The following AKAP13 variants were observed in gnomAD, a reference collection of about 807,000 sequenced individuals.
AKAP13 encodes the protein A-kinase anchoring protein 13.
AKAP13 carries 80 observed loss-of-function variants against 264.5 expected under a neutral mutation model. The ratio of observed to expected loss-of-function variants is 0.30; its 90% CI spans 0.25 to 0.36. AKAP13 has a LOEUF of 0.36. Ranked by LOEUF, AKAP13 falls within the 10% of genes least tolerant of loss-of-function variation. The probability of loss-of-function intolerance (pLI) is 1.00; values close to 1 mark genes in which losing one functional copy is unlikely to be tolerated. For missense variants in AKAP13, 3,712 were observed against 3,435.2 expected (o/e 1.08, Z -2.01); for synonymous variants, 1,380 against 1,250.2 (o/e 1.10, Z -2.19).
intron 2 of AKAP13, among the ~76,000 whole-genome samples, chr15:85,512,312 T>C (rs902965011): frequency 3.6e-4 from 55 of 152,282 alleles, no homozygotes; most frequent in African/African-American, 1.3e-3. Context: ...AGCAACACGT[T>C]TGGGTTTGGG....
chr15:85,469,460 A>G (rs1049334418), intron 1 of AKAP13, among the ~76,000 whole-genome samples: 1 of 152,194 alleles, frequency 6.6e-6, no homozygotes, highest in Non-Finnish European at 1.5e-5. Flanking sequence ...TGGTAAAGAC[A>G]GGTGCTGTTT....
At chr15:85,570,538 C>T (rs2078781478) in intron 5 of AKAP13, among the ~76,000 whole-genome samples, 1 of 152,154 alleles carries the variant, frequency 6.6e-6, no homozygotes, top group South Asian at 2.1e-4. Context: ...GATGGTGAGA[C>T]TCCCTGAAGG....
chr15:85,588,162 C>T (rs756512206), intron 8 of AKAP13, among the ~76,000 whole-genome samples: 59 of 152,058 alleles, frequency 3.9e-4, no homozygotes, highest in Admixed American at 3.7e-3. Context: ...TGAAATTTCA[C>T]GGTAGGTAAA....
intron 1 of AKAP13, among the ~76,000 whole-genome samples, chr15:85,426,972 T>TTG (rs1555428103): frequency 1.0e-4 from 15 of 149,234 alleles, no homozygotes; most frequent in East Asian, 9.7e-4. Context: ...TTTTTTTTTT[T>TTG]GGGGACGGAG....
intron 18 of AKAP13, among the ~76,000 whole-genome samples, chr15:85,709,836 C>T (rs761601044): frequency 3.7e-4 from 56 of 152,024 alleles, no homozygotes; most frequent in Middle Eastern, 3.4e-3. Context: ...TACAGGTGCC[C>T]GTCACCATGC....
chr15:85,657,624 T>C (rs1025568191), intron 11 of AKAP13, among the ~76,000 whole-genome samples: 1 of 152,126 alleles, frequency 6.6e-6, no homozygotes, highest in African/African-American at 2.4e-5. Flanking sequence ...ATAAGCAGCA[T>C]GCTTTTTCTG....
intron 12 of AKAP13, among the ~76,000 whole-genome samples, chr15:85,659,800 G>A (rs2083257614): frequency 6.6e-6 from 1 of 152,098 alleles, no homozygotes; most frequent in African/African-American, 2.4e-5. Flanking sequence ...AGAACGTAAT[G>A]TATAATTTAA....
At chr15:85,436,975 A>T (rs867941859) in intron 1 of AKAP13, among the ~76,000 whole-genome samples, 127 of 151,140 alleles carry the variant, frequency 8.4e-4, no homozygotes, top group African/African-American at 3.0e-3. Flanking sequence ...AAATCAGAGC[A>T]GAACTGAAGG....
intron 1 of AKAP13, among the ~76,000 whole-genome samples, chr15:85,472,526 A>G (rs1317578076): frequency 1.3e-5 from 2 of 152,208 alleles, no homozygotes; most frequent in Non-Finnish European, 2.9e-5. Flanking sequence ...ATGTAGACAA[A>G]GGATCTTGCT....
intron 2 of AKAP13, among the ~76,000 whole-genome samples, chr15:85,511,112 T>A (rs2076402315): frequency 6.6e-6 from 1 of 152,266 alleles, no homozygotes; most frequent in African/African-American, 2.4e-5. Context: ...TTGTTTGTTC[T>A]GAGGATTTCT....
intron 11 of AKAP13, among the ~76,000 whole-genome samples, chr15:85,657,298 C>G (rs985441994): frequency 2.6e-5 from 4 of 152,216 alleles, no homozygotes; most frequent in African/African-American, 9.7e-5. Flanking sequence ...ATTGAACACT[C>G]ACTATGTGCC....
chr15:85,740,273 G>T lies in AKAP13; in HGVS notation c.7608+1G>T. 1 of 1,613,914 alleles carries T rather than the reference G, an allele frequency of 6.2e-7. No individual in the cohort carries two copies. On this transcript the variant is annotated splice_donor_variant, in intron 34 of 36. Transcript: ENST00000394518. LOFTEE classifies it high-confidence loss of function. ...CTACGAGCTCCTCAGCGCTCTGCAGGTGCGTGCCTTCATCTTCCATCCCTG... is the reference window on the plus strand; with the variant it reads ...CTACGAGCTCCTCAGCGCTCTGCAGTTGCGTGCCTTCATCTTCCATCCCTG...
At chr15:85,526,702 C>T (rs1190343529) in intron 3 of AKAP13, among the ~76,000 whole-genome samples, 2 of 152,174 alleles carry the variant, frequency 1.3e-5, no homozygotes, top group Admixed American at 6.5e-5. Context: ...TCTGACACCC[C>T]CCATCCCCCA....
At chr15:85,717,576 C>T (rs532513795) in intron 21 of AKAP13, among the ~76,000 whole-genome samples, 174 bp downstream of exon 21, 10 of 152,340 alleles carry the variant, frequency 6.6e-5, no homozygotes, top group Admixed American at 5.9e-4. Flanking sequence ...TAATCAGACT[C>T]ATCCAGCAGC....
chr15:85,703,544 A>G (rs922060599), intron 17 of AKAP13, among the ~76,000 whole-genome samples: 2 of 152,176 alleles, frequency 1.3e-5, no homozygotes, highest in Admixed American at 1.3e-4. Flanking sequence ...CAAATCCCCC[A>G]AAGATTTTAT....
intron 12 of AKAP13, among the ~76,000 whole-genome samples, chr15:85,663,309 C>A (rs1437400228): frequency 1.3e-3 from 172 of 134,668 alleles, no homozygotes; most frequent in African/African-American, 1.5e-3. Context: ...GGCTCTGTCT[C>A]AAAAAAAAAA....
At chr15:85,389,081 T>C (rs968048823) in intron 1 of AKAP13, among the ~76,000 whole-genome samples, 4 of 152,216 alleles carry the variant, frequency 2.6e-5, no homozygotes, top group Admixed American at 1.3e-4. Flanking sequence ...CTGTGTGAAC[T>C]TTGGAGATCA....
intron 29 of AKAP13, among the ~76,000 whole-genome samples, chr15:85,728,766 G>T (rs1469251413): frequency 6.6e-6 from 1 of 152,120 alleles, no homozygotes; most frequent in African/African-American, 2.4e-5. Context: ...GGTGTGTCTG[G>T]AGGGTCAGGG....
chr15:85,607,550 C>T (rs981485601), intron 8 of AKAP13, among the ~76,000 whole-genome samples: 1 of 152,202 alleles, frequency 6.6e-6, no homozygotes. Flanking sequence ...TTGCGTAAGG[C>T]AGCCTAGCTC....
Sources: allele counts gnomAD v4.1 joint callset (sites outside exome capture counted in the v4.1 genomes callset), GRCh38; gene constraint gnomAD v4.1.1; transcripts MANE v1.5; gene names NCBI Gene and HGNC (gene_info 2026-07-23, HGNC 2026-07-21).